Variants in PRKN observed in about 807,000 individuals in gnomAD.
The protein encoded by PRKN is E3 ubiquitin-protein ligase parkin.
In PRKN, 56 loss-of-function variants were observed where a neutral mutation model predicts 59.5. That is an observed-to-expected ratio of 0.94 (90% CI 0.76 to 1.18). The LOEUF is 1.18. PRKN is among the 50% of genes most tolerant of loss of function. PRKN has a pLI of 0.00. For missense variants in PRKN, 657 were observed against 596.4 expected (o/e 1.10, Z -1.06); for synonymous variants, 250 against 222.1 (o/e 1.13, Z -1.12).
intron 7 of PRKN, among the ~76,000 whole-genome samples, chr6:161,630,342 A>G (rs1023760471): frequency 6.6e-6 from 1 of 152,144 alleles, no homozygotes; most frequent in East Asian, 1.9e-4. Context: ...TTCCCTGTAG[A>G]GCCGTAGATG....
At chr6:162,280,375 T>G (rs1355508996) in intron 2 of PRKN, among the ~76,000 whole-genome samples, 3 of 152,024 alleles carry the variant, frequency 2.0e-5, no homozygotes, top group Non-Finnish European at 4.4e-5. Flanking sequence ...GGGACACAGC[T>G]AAGGTAGTGT....
chr6:162,678,771 G>GT (rs1554261372), intron 1 of PRKN, among the ~76,000 whole-genome samples: 4 of 151,968 alleles, frequency 2.6e-5, no homozygotes, highest in African/African-American at 4.8e-5. Context: ...TATCAATGTG[G>GT]TTTTTTACTC....
Position 161,690,904 on chromosome 6 carries a change from T to A in PRKN, c.871+94868A>T, listed in dbSNP as rs545743150. 1.3e-4 allele frequency among the ~76,000 whole-genome samples: 20 copies of A among 152,234 alleles called. No individual in the cohort carries two copies. In the South Asian group the frequency reaches 3.9e-3, roughly 30 times the overall value. ...CAGCCTCCATAAACGCAAGAACCAA[T>A]TTCTCATAATAAATTTCTATTAATC... is the stretch of plus-strand genomic sequence containing the variant. On this transcript the variant is annotated intron_variant, in intron 7 of 11. Transcript: ENST00000366898.
rs1358836585 is a variant in PRKN at position 161,393,499 on chromosome 6, G to A, written c.1084-6622C>T. 1.3e-5 allele frequency among the ~76,000 whole-genome samples: 2 copies of A among 152,096 alleles called. No homozygotes were observed. The highest frequency in any genetic ancestry group is 4.8e-5 in the African/African-American group (2 of 41,366). ...GAGAGCTATGTGAATGGCCCATCAT[G>A]CCTCTCATTCAATATCATGTCAGTG... On this transcript the variant is annotated intron_variant, in intron 9 of 11. Transcript: ENST00000366898. This position sits in a 1 kb window ranked among gnomAD's most constrained non-coding sequence, Gnocchi z 4.7.
chr6:161,594,192 C>T (rs1016364356), intron 7 of PRKN, among the ~76,000 whole-genome samples: 1 of 151,988 alleles, frequency 6.6e-6, no homozygotes, highest in Non-Finnish European at 1.5e-5. Flanking sequence ...GAACTGACTG[C>T]TGGACTTCAT....
intron 1 of PRKN, among the ~76,000 whole-genome samples, chr6:162,524,146 T>C (rs1316463148): frequency 1.3e-5 from 2 of 152,210 alleles, no homozygotes; most frequent in African/African-American, 2.4e-5. Flanking sequence ...AATCACATTA[T>C]TAGTGAATTT....
chr6:162,079,840 T>A (rs1451548338), intron 4 of PRKN, among the ~76,000 whole-genome samples: 1 of 152,154 alleles, frequency 6.6e-6, no homozygotes, highest in Non-Finnish European at 1.5e-5. Context: ...GTCTCAGGAA[T>A]GTTTAATGAG....
intron 9 of PRKN, among the ~76,000 whole-genome samples, chr6:161,540,849 A>G (rs149812459): frequency 6.6e-6 from 1 of 151,996 alleles, no homozygotes; most frequent in African/African-American, 2.4e-5. Context: ...GGTGCCTCCA[A>G]CTCTTGGATT....
At chr6:162,234,303 C>T (rs557117289) in intron 3 of PRKN, among the ~76,000 whole-genome samples, 1 of 152,192 alleles carries the variant, frequency 6.6e-6, no homozygotes, top group South Asian at 2.1e-4. Flanking sequence ...GGAGCCAGGC[C>T]CCAGTGAGCT....
chr6:162,393,129 T>C (rs1171273198), intron 2 of PRKN, among the ~76,000 whole-genome samples: 5 of 148,598 alleles, frequency 3.4e-5, no homozygotes, highest in Non-Finnish European at 7.4e-5. Flanking sequence ...AGACAACCAG[T>C]TGATACTGGG....
intron 7 of PRKN, among the ~76,000 whole-genome samples, chr6:161,644,792 A>G (rs544178317): frequency 6.6e-6 from 1 of 152,246 alleles, no homozygotes; most frequent in Non-Finnish European, 1.5e-5. Context: ...TCGAGACGTC[A>G]TTTGAGGACA....
Position 161,780,472 on chromosome 6 carries a change from C to A in PRKN, c.871+5300G>T, listed in dbSNP as rs75132119. ...CCCAAGGGAACAGGGAGTCCCACAA[C>A]CACCACTGGAGAGTGGAGCCCTCTC... On this transcript the variant is annotated intron_variant, in intron 7 of 11. Transcript: ENST00000366898. Among the ~76,000 whole-genome samples the A allele has an allele frequency of 5.9e-3, 892 of 152,318 alleles. 7 individuals are homozygous for A. Among genetic ancestry groups the A allele is most frequent in the Non-Finnish European group, 9.8e-3 (666 of 68,022 alleles).
At chr6:162,310,375 T>G (rs1031718085) in intron 2 of PRKN, among the ~76,000 whole-genome samples, 4 of 151,988 alleles carry the variant, frequency 2.6e-5, no homozygotes, top group Non-Finnish European at 5.9e-5. Flanking sequence ...TCCTAGCAGG[T>G]GCCATGGTGA....
intron 6 of PRKN, among the ~76,000 whole-genome samples, chr6:161,820,388 A>C (rs1197925898): frequency 6.6e-6 from 1 of 151,472 alleles, no homozygotes; most frequent in African/African-American, 2.4e-5. Flanking sequence ...ACAATAAAAT[A>C]TATGGGCAAA....
At chr6:161,571,893 C>A (rs1350741479) in intron 7 of PRKN, among the ~76,000 whole-genome samples, 1 of 152,292 alleles carries the variant, frequency 6.6e-6, no homozygotes, top group Non-Finnish European at 1.5e-5. Flanking sequence ...AATGCTCTTT[C>A]TCTTCTAGAG....
At chr6:161,569,171 T>C (rs1390583992) in intron 8 of PRKN, among the ~76,000 whole-genome samples, 184 bp downstream of exon 8, 3 of 152,226 alleles carry the variant, frequency 2.0e-5, no homozygotes, top group Non-Finnish European at 4.4e-5. Flanking sequence ...ATTAATAACC[T>C]GTCAGGTCTG....
chr6:161,515,268 G>A (rs570437384), intron 9 of PRKN, among the ~76,000 whole-genome samples: 16 of 152,166 alleles, frequency 1.1e-4, no homozygotes, highest in East Asian at 3.9e-4. Context: ...ACAGAACAGC[G>A]TTAGATAATT....
chr6:161,609,898 C>A (rs1782425133), intron 7 of PRKN, among the ~76,000 whole-genome samples: 2 of 152,104 alleles, frequency 1.3e-5, no homozygotes, highest in Admixed American at 6.5e-5. Context: ...TTTCCAATAG[C>A]TTCAAAGGAG....
At chr6:162,106,486 A>C (rs756755960) in intron 4 of PRKN, among the ~76,000 whole-genome samples, 26 of 151,494 alleles carry the variant, frequency 1.7e-4, no homozygotes, top group Non-Finnish European at 3.4e-4. Flanking sequence ...AATACAACCA[A>C]GCAGTTGAAA....
Sources: gnomAD v4.1 joint callset for allele counts (sites outside exome capture counted in the v4.1 genomes callset) on GRCh38, gnomAD v4.1.1 for gene constraint, Gnocchi (gnomAD v3.1) non-coding constraint, MANE v1.5 for transcripts, NCBI Gene and HGNC (gene_info 2026-07-23, HGNC 2026-07-21) for gene names.